The following RCOR3 variants were observed in gnomAD, a reference collection of about 807,000 sequenced individuals.
RCOR3 encodes the protein REST corepressor 3.
Under a neutral mutation model 64.1 loss-of-function variants are expected in RCOR3, and 13 were observed. The observed-to-expected ratio is 0.20, with a 90% confidence interval of 0.13 to 0.32. The LOEUF (loss-of-function observed/expected upper bound fraction) is 0.32. RCOR3 is among the 10% of genes least tolerant of loss of function. The pLI is 1.00. For missense variants in RCOR3, 489 were observed against 701.2 expected (o/e 0.70, Z 3.42); for synonymous variants, 215 against 239.0 (o/e 0.90, Z 0.93).
intron 6 of RCOR3, among the ~76,000 whole-genome samples, chr1:211,278,835 T>G (rs1291758543): frequency 6.6e-6 from 1 of 152,112 alleles, no homozygotes; most frequent in Non-Finnish European, 1.5e-5. Context: ...TAAATAATAT[T>G]TAGTAAAATT....
At chr1:211,294,524 C>A (rs779052093) in intron 8 of RCOR3, among the ~76,000 whole-genome samples, 126 of 151,600 alleles carry the variant, frequency 8.3e-4, no homozygotes, top group South Asian at 1.5e-3. Context: ...TTTTACCCTA[C>A]AAGCCCTGTG....
intron 8 of RCOR3, chr1:211,291,513 A>G (rs1428819282): frequency 2.2e-6 from 1 of 455,378 alleles, no homozygotes; most frequent in Middle Eastern, 3.3e-4. Context: ...TTGATTTGGT[A>G]CTATCCACAG....
At chr1:211,285,722 A>G (rs1698437229) in intron 7 of RCOR3, among the ~76,000 whole-genome samples, 1 of 152,230 alleles carries the variant, frequency 6.6e-6, no homozygotes, top group African/African-American at 2.4e-5. Context: ...CCATTAATTT[A>G]GGTTTGTCAG....
At chr1:211,274,376 A>G (rs984283809) in intron 4 of RCOR3, 114 bp downstream of exon 4, 1 of 608,512 alleles carries the variant, frequency 1.6e-6, no homozygotes, top group Non-Finnish European at 2.8e-6. Context: ...GCTATTTTAT[A>G]GATACCACAA....
intron 2 of RCOR3, among the ~76,000 whole-genome samples, chr1:211,264,805 A>G (rs1471239390): frequency 1.3e-5 from 2 of 152,218 alleles, no homozygotes; most frequent in Non-Finnish European, 2.9e-5. Context: ...AACCATTGAT[A>G]ATAATGTCTT....
intron 10 of RCOR3, among the ~76,000 whole-genome samples, chr1:211,310,399 A>T (rs777839915): frequency 2.6e-5 from 4 of 152,154 alleles, no homozygotes; most frequent in Admixed American, 2.0e-4. Flanking sequence ...GGAATATCTG[A>T]GGTTGGAATC....
In RCOR3 at chr1:211,271,232, G is replaced by A; in HGVS notation, c.224G>A (p.Gly75Asp). The A allele has an allele frequency of 6.2e-7, 1 of 1,610,720 alleles. No homozygotes were observed. Among genetic ancestry groups the A allele is most frequent in the Non-Finnish European group, 8.5e-7 (1 of 1,177,708 alleles). ...YQARIPEFDP[G>D]ATKYTDKDNG... ...CAAAGTAATTATCTTTTTCCCCCAG[G>A]TGCTACAAAGTACACAGATAAAGAC... is the stretch of plus-strand genomic sequence containing the variant. The change falls in exon 3 of 12, where the codon GGT becomes GAT. Residue 75 changes from glycine to aspartate, a missense_variant and splice_region_variant. By Grantham distance (94) the Gly-to-Asp change is moderately conservative. This residue lies in a region of RCOR3 where 402 missense variants were observed against 617.0 expected (regional missense o/e 0.65). Coordinates refer to ENST00000419091, the MANE Select transcript of RCOR3 (RefSeq NM_001136223.3).
Position 211,272,987 on chromosome 1 carries a change from G to T in RCOR3, c.302-1223G>T, listed in dbSNP as rs562597953. Among the ~76,000 whole-genome samples, 21 of 152,260 alleles carry T rather than the reference G, an allele frequency of 1.4e-4. No homozygotes were observed. The East Asian group carries it at 4.1e-3, about 29-fold the overall frequency. On this transcript the variant is annotated intron_variant, in intron 3 of 11. Coordinates refer to ENST00000419091, the MANE Select transcript of RCOR3 (RefSeq NM_001136223.3). ...GCATAGCCAGGTTTGGAAACCACAG[G>T]TCAGTTGGTATTGTTCAGCATATAT...
chr1:211,313,871 A>G lies in RCOR3; in HGVS notation c.*103A>G, dbSNP rs967180705. On this transcript the variant is annotated 3_prime_UTR_variant, in exon 12 of 12. Transcript: ENST00000419091. The surrounding 1 kb of genome is among the most constrained non-coding windows in gnomAD (Gnocchi z 4.7). ...AAAGAATAATCATTTCTAGATACTG[A>G]GGCTGCGAACTAGTTCTGTGGCAGT... The G allele has an allele frequency of 1.8e-6, 2 of 1,118,970 alleles. No individual in the cohort carries two copies. Among genetic ancestry groups the G allele is most frequent in the Non-Finnish European group, 2.5e-6 (2 of 792,904 alleles). 69.3% of individuals were successfully genotyped at this position (1,118,970 alleles called of 1,614,324 possible).
At chr1:211,297,485 C>G (rs12754747) in intron 9 of RCOR3, among the ~76,000 whole-genome samples, 1 of 152,052 alleles carries the variant, frequency 6.6e-6, no homozygotes, top group Non-Finnish European at 1.5e-5. Context: ...TTGCCTCTTA[C>G]ATTTGGAAGT....
At position 211,289,334 on chromosome 1, in the gene RCOR3, C is replaced by T. The variant is rs779000091; in HGVS notation, c.877C>T (p.Pro293Ser). ...QEDVVAVSCS[P>S]NAANTILRQL... Reference sequence around the variant, plus strand: ...AGATGTGGTAGCAGTTTCCTGTAGTCCCAATGCAGCCAACACCATCCTGAG... The same window carrying T: ...AGATGTGGTAGCAGTTTCCTGTAGTTCCAATGCAGCCAACACCATCCTGAG... Residue 293 changes from proline (P) to serine (S), a missense_variant, in exon 8 of 12, where the codon CCC becomes TCC. By Grantham distance (74) the Pro-to-Ser change is moderately conservative. Around this residue, in one of 2 missense-constraint regions of RCOR3, gnomAD observed 402 missense variants for 617.0 expected, o/e 0.65. Transcript: ENST00000419091. 16 of 1,613,970 alleles carry T rather than the reference C, an allele frequency of 9.9e-6. No homozygotes were observed. The highest frequency in any genetic ancestry group is 3.3e-4 in the Middle Eastern group (2 of 6,084).
intron 2 of RCOR3, among the ~76,000 whole-genome samples, chr1:211,270,929 A>G (rs1010472520): frequency 1.3e-5 from 2 of 149,778 alleles, no homozygotes; most frequent in Admixed American, 6.7e-5. Context: ...ATCTCAGCTC[A>G]CTGCAAGCTC....
At chr1:211,305,415 TA>T (rs1222082354) in intron 10 of RCOR3, among the ~76,000 whole-genome samples, 4 of 152,218 alleles carry the variant, frequency 2.6e-5, no homozygotes, top group Non-Finnish European at 4.4e-5. Context: ...AATTATTGTT[TA>T]AAAAATTAGC....
At chr1:211,295,623 C>T in intron 8 of RCOR3, 53 bp from the exon 9 acceptor site, 1 of 1,482,304 alleles carries the variant, frequency 6.7e-7, no homozygotes. Context: ...TGAGTACTCA[C>T]AAATTTACCT....
intron 2 of RCOR3, among the ~76,000 whole-genome samples, chr1:211,265,290 A>G (rs1207761947): frequency 6.6e-6 from 1 of 152,234 alleles, no homozygotes; most frequent in Non-Finnish European, 1.5e-5. Flanking sequence ...GTGATGTGAT[A>G]GTACTAGTTT....
rs143350660 is a variant in RCOR3, at chr1:211,293,739, A to G, written c.940-1937A>G. ...TTTTATCTCTGTATGTCTATCTAAC[A>G]TGGCCAGCTGACTACCCTTGAACCA... On this transcript the variant is annotated intron_variant, in intron 8 of 11. Transcript: ENST00000419091. Among the ~76,000 whole-genome samples the G allele has an allele frequency of 2.4e-4, 37 of 152,306 alleles. No homozygotes were observed. The East Asian group carries it at 6.9e-3, about 29-fold the overall frequency.
chr1:211,282,967 A>T (rs1698028143), intron 7 of RCOR3, among the ~76,000 whole-genome samples: 1 of 152,184 alleles, frequency 6.6e-6, no homozygotes, highest in Non-Finnish European at 1.5e-5. Context: ...ATCATATTGT[A>T]TGTATTCTTC....
intron 2 of RCOR3, among the ~76,000 whole-genome samples, chr1:211,270,941 G>A (rs921715600): frequency 1.3e-5 from 2 of 150,764 alleles, no homozygotes; most frequent in African/African-American, 4.9e-5. Flanking sequence ...TGCAAGCTCC[G>A]CCTCCCGGGT....
At chr1:211,271,433 TTTTTA>T (rs984502667) in intron 3 of RCOR3, 124 bp downstream of exon 3, 2 of 713,320 alleles carry the variant, frequency 2.8e-6, no homozygotes, top group Non-Finnish European at 4.8e-6. Flanking sequence ...TTTGTTTTAT[TTTTTA>T]TTTTTTTATT....
Sources: gnomAD v4.1 joint callset for allele counts (sites outside exome capture counted in the v4.1 genomes callset) on GRCh38, gnomAD v4.1.1 for gene constraint, gnomAD v4.1.1 regional missense constraint, Gnocchi (gnomAD v3.1) non-coding constraint, MANE v1.5 for transcripts, NCBI Gene and HGNC (gene_info 2026-07-23, HGNC 2026-07-21) for gene names.